GPT: variants seen among roughly 807,000 people sequenced by gnomAD.
GPT encodes glutamic--pyruvic transaminase.
Under a neutral mutation model 51.4 loss-of-function variants are expected in GPT, and 60 were observed. The ratio of observed to expected loss-of-function variants is 1.17; its 90% CI spans 0.95 to 1.45. The LOEUF is 1.45. GPT is among the 40% of genes most tolerant of loss of function. The pLI is 0.00. For synonymous variants in GPT, 397 were observed against 303.1 expected, an observed-to-expected ratio of 1.31 and a Z score of -3.22; for missense variants, 853 against 704.0, an observed-to-expected ratio of 1.21 and a Z score of -2.40.
At position 144,506,974 on chromosome 8, in the gene GPT, G is replaced by C. The variant is rs1245684061; in HGVS notation, c.1465G>C (p.Ala489Pro). 3 of 1,612,576 alleles carry C rather than the reference G, an allele frequency of 1.9e-6. No individual in the cohort carries two copies. Among genetic ancestry groups the C allele is most frequent in the Non-Finnish European group, 1.7e-6 (2 of 1,179,890 alleles). The change falls in exon 11 of 11, where the codon GCC (alanine) becomes CCC (proline). Residue 489 changes from alanine to proline, a missense_variant. Ala to Pro is a conservative substitution (Grantham distance 27). Coordinates refer to ENST00000394955, the MANE Select transcript of GPT (RefSeq NM_005309.3). The surrounding 1 kb of genome is among the most constrained non-coding windows in gnomAD (Gnocchi z 7.0). ...LLLEKLSRFHAKFTLEYS is the reference protein window; with the variant it reads ...LLLEKLSRFHPKFTLEYS ...GCTGGAGAAGCTGAGCAGGTTCCAT[G>C]CCAAGTTCACCCTCGAGTACTCCTG...
Position 144,504,779 on chromosome 8 carries a change from C to G in GPT, c.261C>G (p.Ala87=). The G allele has an allele frequency of 1.9e-6, 3 of 1,613,658 alleles. No homozygotes were observed. Among genetic ancestry groups the G allele is most frequent in the Non-Finnish European group, 2.5e-6 (3 of 1,179,976 alleles). Residue 87 remains alanine, a synonymous_variant, in exon 3 of 11, where the codon GCC becomes GCG. Coordinates refer to ENST00000394955, the MANE Select transcript of GPT (RefSeq NM_005309.3). The part of the protein sequence containing the change: ...RPITFLRQVL[A]LCVNPDLLSS... ...GCACTCCGTCTTCCCAGGTCTTGGC[C>G]CTCTGTGTTAACCCTGATCTTCTGA...
chr8:144,506,612 T>G lies in GPT; in HGVS notation c.1243T>G (p.Phe415Val). Residue 415 changes from phenylalanine to valine, a missense_variant, in exon 9 of 11, where the codon TTC becomes GTC. Phe to Val is a conservative substitution (Grantham distance 50, BLOSUM62 -1). Transcript: ENST00000394955. The surrounding 1 kb of genome is among the most constrained non-coding windows in gnomAD (Gnocchi z 7.0). ...CCCAGTGCAGGGCGCCATGTACTCC[T>G]TCCCGCGCGTGCAGCTGCCCCCGCG... ...CNPVQGAMYSFPRVQLPPRAV... is the reference protein window; with the variant it reads ...CNPVQGAMYSVPRVQLPPRAV... The G allele has an allele frequency of 1.9e-6, 3 of 1,560,718 alleles. No individual in the cohort carries two copies. Among genetic ancestry groups the G allele is most frequent in the Non-Finnish European group, 2.6e-6 (3 of 1,152,674 alleles).
rs773933970 is a variant in GPT at position 144,506,639 on chromosome 8, G to C, written c.1270G>C (p.Ala424Pro). Residue 424 changes from alanine to proline, a missense_variant, in exon 9 of 11, where the codon GCG (alanine) becomes CCG (proline). Coordinates refer to ENST00000394955, the MANE Select transcript of GPT (RefSeq NM_005309.3). The surrounding 1 kb of genome is among the most constrained non-coding windows in gnomAD (Gnocchi z 7.0). ...SFPRVQLPPR[A>P]VERAQELGLA... Reference sequence around the variant, plus strand: ...CCCGCGCGTGCAGCTGCCCCCGCGGGCGGTGGAGCGCGCTCAGGTCAGGCG... The same window carrying C: ...CCCGCGCGTGCAGCTGCCCCCGCGGCCGGTGGAGCGCGCTCAGGTCAGGCG... 3 of 1,558,034 alleles carry C rather than the reference G, an allele frequency of 1.9e-6. No individual in the cohort carries two copies. The highest frequency in any genetic ancestry group is 4.7e-5 in the East Asian group (2 of 42,130).
Position 144,505,036 on chromosome 8 carries a change from G to T in GPT, c.400G>T (p.Glu134Ter), listed in dbSNP as rs1826717539. The change falls in exon 4 of 11, where the codon GAG becomes TAG. Residue 134 changes from glutamate (E) to a stop codon, truncating the protein, a stop_gained. Transcript: ENST00000394955. LOFTEE classifies it high-confidence loss of function. ...SVSSGIQLIR[E>*]DVARYIERRD... ...CAGCTCCGGCATCCAGCTGATCCGG[G>T]AGGACGTGGCGCGGTACATTGAGAG... The T allele has an allele frequency of 6.2e-7, 1 of 1,613,064 alleles. No homozygotes were observed.
rs1441001593 is a variant in GPT, at chr8:144,506,359, G to A, written c.1084G>A (p.Val362Ile). ...AGGACAGGCCCTGCTGGACCTGGTGGTCAGCCCGCCCGCGCCCACCGACCC... is the reference window on the plus strand; with the variant it reads ...AGGACAGGCCCTGCTGGACCTGGTGATCAGCCCGCCCGCGCCCACCGACCC... ...VPGQALLDLV[V>I]SPPAPTDPSF... is the part of the protein sequence containing the mutation. Residue 362 changes from valine (V) to isoleucine (I), a missense_variant, in exon 8 of 11, where the codon GTC becomes ATC. Val to Ile is a conservative substitution (Grantham distance 29). Coordinates refer to ENST00000394955, the MANE Select transcript of GPT (RefSeq NM_005309.3). This position sits in a 1 kb window ranked among gnomAD's most constrained non-coding sequence, Gnocchi z 7.0. 6.4e-7 allele frequency: 1 copy of A among 1,569,590 alleles called. No homozygotes were observed. Among genetic ancestry groups the A allele is most frequent in the South Asian group, 1.2e-5 (1 of 86,694 alleles).
Position 144,506,787 on chromosome 8 carries a change from C to T in GPT, c.1344C>T (p.Gly448=). 6.2e-7 allele frequency: 1 copy of T among 1,612,634 alleles called. No individual in the cohort carries two copies. Among genetic ancestry groups the T allele is most frequent in the Non-Finnish European group, 8.5e-7 (1 of 1,179,980 alleles). Residue 448 remains glycine, a synonymous_variant, in exon 10 of 11, where the codon GGC becomes GGT. Coordinates refer to ENST00000394955, the MANE Select transcript of GPT (RefSeq NM_005309.3). This position sits in a 1 kb window ranked among gnomAD's most constrained non-coding sequence, Gnocchi z 7.0. ...FFCLRLLEET[G]ICVVPGSGFG... is the part of the protein sequence containing the mutation. ...GCCTGCGCCTCCTGGAGGAGACCGG[C>T]ATCTGCGTGGTGCCAGGGAGCGGCT...
In GPT at chr8:144,505,000, G is replaced by T; in HGVS notation, c.364G>T (p.Ala122Ser). The T allele has an allele frequency of 6.2e-7, 1 of 1,613,046 alleles. No homozygotes were observed. The highest frequency in any genetic ancestry group is 8.5e-7 in the Non-Finnish European group (1 of 1,179,974). ...LQACGGHSLG[A>S]YSVSSGIQLI... The stretch of plus-strand genomic sequence containing the variant: ...CATCCTGTCCTGCCCGAGTCCAGGG[G>T]CCTACAGCGTCAGCTCCGGCATCCA... The change falls in exon 4 of 11, where the codon GCC (alanine) becomes TCC (serine). Residue 122 changes from alanine (A) to serine (S), a missense_variant and splice_region_variant. Transcript: ENST00000394955.
Position 144,507,112 on chromosome 8 carries a change from G to GGGGGGGGGGGGGGGGGGGGGC in GPT, c.*114_*115insGGGGGGGGGGGGGGGGGGCGG. 1 of 533,734 alleles carries GGGGGGGGGGGGGGGGGGGGGC rather than the reference G, an allele frequency of 1.9e-6. No individual in the cohort carries two copies. The highest frequency in any genetic ancestry group is 4.7e-5 in the East Asian group (1 of 21,286). The allele number at this position is 533,734 out of a possible 1,614,324, so 33.1% of individuals were successfully genotyped here. A position where few individuals can be genotyped will look rare whatever the true frequency, so the allele number is the denominator to read the frequency against. On this transcript the variant is annotated 3_prime_UTR_variant, in exon 11 of 11. Transcript: ENST00000394955. ...GATGCCTGGCGGGGTGGGGTGGGGG[G>GGGGGGGGGGGGGGGGGGGGGC]GGTGCTGGGCCCCTGCCTCTCTGCA...
rs1826834533 is a variant in GPT at position 144,506,727 on chromosome 8, A to G, written c.1288-4A>G. On this transcript the variant is annotated splice_polypyrimidine_tract_variant and splice_region_variant and intron_variant, in intron 9 of 10. Coordinates refer to ENST00000394955, the MANE Select transcript of GPT (RefSeq NM_005309.3). This position sits in a 1 kb window ranked among gnomAD's most constrained non-coding sequence, Gnocchi z 7.0. ...ATCCCTCTCTGACGGCTCTCCGTCC[A>G]CAGGAGCTGGGCCTGGCCCCCGATA... 6.2e-7 allele frequency: 1 copy of G among 1,610,794 alleles called. No individual in the cohort carries two copies. The highest frequency in any genetic ancestry group is 1.1e-5 in the South Asian group (1 of 90,984).
rs1182867205 is a variant in GPT at position 144,506,284 on chromosome 8, C to T, written c.1009C>T (p.Gln337Ter). Residue 337 changes from glutamine (Q) to a stop codon, truncating the protein, a stop_gained, in exon 8 of 11, where the codon CAG becomes TAG. Transcript: ENST00000394955. LOFTEE classifies it high-confidence loss of function. This position sits in a 1 kb window ranked among gnomAD's most constrained non-coding sequence, Gnocchi z 7.0. ...VEVVNMDAAV[Q>*]QQMLKLMSVR... is the part of the protein sequence containing the mutation. ...GGTGGTGAACATGGACGCTGCAGTG[C>T]AGCAGCAGATGCTGAAGCTGATGAG... The T allele has an allele frequency of 6.2e-7, 1 of 1,602,598 alleles. No homozygotes were observed.
In GPT at chr8:144,506,044, AGAAGGTGCTCATG is replaced by A; in HGVS notation, c.872_884del (p.Lys291ArgfsTer36). 6.2e-7 allele frequency: 1 copy of A among 1,612,412 alleles called. No homozygotes were observed. Among genetic ancestry groups the A allele is most frequent in the African/African-American group, 1.3e-5 (1 of 75,038 alleles). ...GCGGGTTCGCAGTTCCACTCATTCA[AGAAGGTGCTCATG>A]GAGATGGGGCCGCCCTACGCCGGGC... On this transcript the variant is annotated frameshift_variant, in exon 7 of 11. Transcript: ENST00000394955. LOFTEE classifies it high-confidence loss of function. This position sits in a 1 kb window ranked among gnomAD's most constrained non-coding sequence, Gnocchi z 7.0.
upstream of GPT, chr8:144,503,236 G>T (rs1156548124): frequency 6.6e-6 from 1 of 152,208 alleles, no homozygotes; most frequent in Non-Finnish European, 1.5e-5. Context: ...CCACAGCCCT[G>T]CTCAGAGGGC....
rs866440873 is a variant in GPT at position 144,505,087 on chromosome 8, C to A, written c.451C>A (p.Pro151Thr). 2.5e-6 allele frequency: 4 copies of A among 1,613,166 alleles called. No homozygotes were observed. The South Asian group carries it at 4.4e-5, about 18-fold the overall frequency. ...ERRDGGIPAD[P>T]NNVFLSTGAS... is the part of the protein sequence containing the mutation. ...GCGTGACGGAGGCATCCCTGCGGAC[C>A]CCAACAACGTCTTCCTGTCCACAGG... The change falls in exon 4 of 11, where the codon CCC (proline) becomes ACC (threonine). Residue 151 changes from proline to threonine, a missense_variant. Transcript: ENST00000394955.
In GPT at chr8:144,506,418, G is replaced by A. The variant is rs1194310650; in HGVS notation, c.1131+12G>A. 1 of 1,559,984 alleles carries A rather than the reference G, an allele frequency of 6.4e-7. No individual in the cohort carries two copies. The highest frequency in any genetic ancestry group is 8.7e-7 in the Non-Finnish European group (1 of 1,154,498). On this transcript the variant is annotated intron_variant, in intron 8 of 10. Coordinates refer to ENST00000394955, the MANE Select transcript of GPT (RefSeq NM_005309.3). The surrounding 1 kb of genome is among the most constrained non-coding windows in gnomAD (Gnocchi z 7.0). ...CGCAGTTCCAGGCTGTGAGTTGGGG[G>A]CAGGAGGGGGTCCAGGTGACCTAAT...
At position 144,504,432 on chromosome 8, in the gene GPT, A is replaced by T; in HGVS notation, c.128A>T (p.Gln43Leu). Residue 43 changes from glutamine to leucine, a missense_variant, in exon 1 of 11, where the codon CAG (glutamine) becomes CTG (leucine). Physicochemically the swap from Gln to Leu is moderately radical, Grantham distance 113 (BLOSUM62 -2). Transcript: ENST00000394955. ...TACGCAGTGCGTGGCCCCATAGTGC[A>T]GCGAGCCTTGGAGCTGGAGCAGGAG... ...VEYAVRGPIV[Q>L]RALELEQELR... 1 of 1,610,954 alleles carries T rather than the reference A, an allele frequency of 6.2e-7. No individual in the cohort carries two copies. The highest frequency in any genetic ancestry group is 8.5e-7 in the Non-Finnish European group (1 of 1,179,906).
rs768259950 is a variant in GPT, at chr8:144,505,942, G to A, written c.819+15G>A. The stretch of plus-strand genomic sequence containing the variant: ...TGGCGGACGAGGTGCGCGGCGCGGG[G>A]GAGCGGGAAGCCGGGCAACAGTCCG... On this transcript the variant is annotated intron_variant, in intron 6 of 10. Coordinates refer to ENST00000394955, the MANE Select transcript of GPT (RefSeq NM_005309.3). 8.7e-6 allele frequency: 14 copies of A among 1,611,310 alleles called. No individual in the cohort carries two copies. The highest frequency in any genetic ancestry group is 2.2e-5 in the South Asian group (2 of 91,038).
Position 144,505,401 on chromosome 8 carries a change from C to G in GPT, c.651C>G (p.Asp217Glu), listed in dbSNP as rs541927226. ...ACGAGGAGCGTGCCTGGGCGCTGGACGTGGCCGAGCTTCACCGTGCACTGG... is the reference window on the plus strand; with the variant it reads ...ACGAGGAGCGTGCCTGGGCGCTGGAGGTGGCCGAGCTTCACCGTGCACTGG... ...YLDEERAWAL[D>E]VAELHRALGQ... The change falls in exon 5 of 11, where the codon GAC (aspartate) becomes GAG (glutamate). Residue 217 changes from aspartate (D) to glutamate (E), a missense_variant. By Grantham distance (45) the Asp-to-Glu change is conservative. Coordinates refer to ENST00000394955, the MANE Select transcript of GPT (RefSeq NM_005309.3). 2.5e-6 allele frequency: 4 copies of G among 1,595,682 alleles called. No homozygotes were observed. In the East Asian group the frequency reaches 9.1e-5, roughly 36 times the overall value.
chr8:144,506,407 G>GT lies in GPT; in HGVS notation c.1131+2dup. 1 of 1,559,636 alleles carries GT rather than the reference G, an allele frequency of 6.4e-7. No individual in the cohort carries two copies. Among genetic ancestry groups the GT allele is most frequent in the Non-Finnish European group, 8.7e-7 (1 of 1,154,662 alleles). Reference sequence around the variant, plus strand: ...CCCCTCCTTTGCGCAGTTCCAGGCTGTGAGTTGGGGGCAGGAGGGGGTCCA... The same window carrying GT: ...CCCCTCCTTTGCGCAGTTCCAGGCTGTTGAGTTGGGGGCAGGAGGGGGTCCA... On this transcript the variant is annotated splice_donor_variant, in intron 8 of 10. Coordinates refer to ENST00000394955, the MANE Select transcript of GPT (RefSeq NM_005309.3). LOFTEE classifies it high-confidence loss of function. This position sits in a 1 kb window ranked among gnomAD's most constrained non-coding sequence, Gnocchi z 7.0.
rs754705926 is a variant in GPT at position 144,506,310 on chromosome 8, T to C, written c.1035T>C (p.Ser345=). Residue 345 remains serine, a synonymous_variant, in exon 8 of 11, where the codon AGT becomes AGC. Coordinates refer to ENST00000394955, the MANE Select transcript of GPT (RefSeq NM_005309.3). The surrounding 1 kb of genome is among the most constrained non-coding windows in gnomAD (Gnocchi z 7.0). ...AGCAGCAGATGCTGAAGCTGATGAG[T>C]GTGCGGCTGTGCCCGCCGGTGCCAG... ...AVQQQMLKLM[S]VRLCPPVPGQ... 1.9e-6 allele frequency: 3 copies of C among 1,570,414 alleles called. No individual in the cohort carries two copies. Among genetic ancestry groups the C allele is most frequent in the Admixed American group, 1.8e-5 (1 of 54,670 alleles).
Sources: allele counts gnomAD v4.1 joint callset, GRCh38; gene constraint gnomAD v4.1.1; non-coding constraint Gnocchi (gnomAD v3.1); transcripts MANE v1.5; gene names NCBI Gene and HGNC (gene_info 2026-07-23, HGNC 2026-07-21).